The following PARP9 variants were observed in gnomAD, a reference collection of about 807,000 sequenced individuals.
PARP9 encodes protein mono-ADP-ribosyltransferase PARP9.
PARP9 carries 48 observed loss-of-function variants against 68.8 expected under a neutral mutation model. The observed-to-expected ratio is 0.70, with a 90% CI of 0.55 to 0.89. The LOEUF is 0.89. Among genes scored for constraint, PARP9 ranks in the 40% least tolerant of loss-of-function variants. The pLI is 0.00. For synonymous variants in PARP9, 309 were observed against 333.8 expected (o/e 0.93, Z 0.81); for missense variants, 806 against 969.3 (o/e 0.83, Z 2.24).
chr3:122,542,005 A>G lies in PARP9; in HGVS notation c.1385-1153T>C, dbSNP rs145727843. On this transcript the variant is annotated intron_variant, in intron 7 of 10. Coordinates refer to ENST00000682323, the MANE Select transcript of PARP9 (RefSeq NM_001146105.2). ...CTTCCTCTGAGTAAAGATAAAAAAG[A>G]CAAAAGCCAAGGTTTTAGACAACAG... 1.0e-3 allele frequency among the ~76,000 whole-genome samples: 159 copies of G among 152,332 alleles called. 2 individuals carry two copies. Among genetic ancestry groups the G allele is most frequent in the African/African-American group, 3.6e-3 (149 of 41,562 alleles).
At position 122,559,633 on chromosome 3, in the gene PARP9, C is replaced by G; in HGVS notation, c.-13G>C. ...TGGAAAAGTCCATCCTCCAGGTCCC[C>G]GGGGGAGTCTTTAAATGTTTATTCC... On this transcript the variant is annotated 5_prime_UTR_variant, in exon 2 of 11. Coordinates refer to ENST00000682323, the MANE Select transcript of PARP9 (RefSeq NM_001146105.2). The G allele has an allele frequency of 6.3e-7, 1 of 1,586,860 alleles. No individual in the cohort carries two copies. Among genetic ancestry groups the G allele is most frequent in the Non-Finnish European group, 8.6e-7 (1 of 1,166,672 alleles).
intron 4 of PARP9, 83 bp from the exon 5 acceptor site, chr3:122,552,722 G>A (rs1398661757): frequency 2.9e-6 from 3 of 1,034,204 alleles, no homozygotes; most frequent in Non-Finnish European, 4.3e-6. Flanking sequence ...TCCCTGAAGA[G>A]CTTTGAAAAA....
chr3:122,536,290 T>C lies in PARP9; in HGVS notation c.1958A>G (p.Lys653Arg). The change falls in exon 10 of 11, where the codon AAA becomes AGA. Residue 653 changes from lysine to arginine, a missense_variant. By Grantham distance (26) the Lys-to-Arg change is conservative (BLOSUM62 2). Around this residue, in one of 2 missense-constraint regions of PARP9, gnomAD observed 680 missense variants for 858.8 expected, o/e 0.79. Coordinates refer to ENST00000682323, the MANE Select transcript of PARP9 (RefSeq NM_001146105.2). ...CCTGTGCAGTTTTTCTTCCATCATT[T>C]TCTTCTTTCTTTGAAAGGCAGCCAT... ...VLMAAFQRKKKMMEEKLHRQP... is the reference protein window; with the variant it reads ...VLMAAFQRKKRMMEEKLHRQP... The C allele has an allele frequency of 6.2e-7, 1 of 1,614,230 alleles. No homozygotes were observed. The highest frequency in any genetic ancestry group is 8.5e-7 in the Non-Finnish European group (1 of 1,180,032).
At chr3:122,531,656 T>C (rs1457964343) in intron 10 of PARP9, 1 of 152,176 alleles carries the variant, frequency 6.6e-6, no homozygotes, top group Non-Finnish European at 1.5e-5. Context: ...TATATGTAAT[T>C]ATTTTTAATT....
intron 8 of PARP9, among the ~76,000 whole-genome samples, chr3:122,539,506 C>CCTTTCTTT (rs1559818279): frequency 3.2e-5 from 4 of 125,906 alleles, no homozygotes; most frequent in African/African-American, 1.2e-4. Flanking sequence ...CCCAAGATGG[C>CCTTTCTTT]ATTTCTTTCT....
intron 9 of PARP9, 127 bp downstream of exon 9, chr3:122,536,807 C>T: frequency 8.7e-7 from 1 of 1,155,632 alleles, no homozygotes; most frequent in Non-Finnish European, 1.2e-6. Flanking sequence ...TTCAGTCTTA[C>T]TGACCTAGGA....
Position 122,528,198 on chromosome 3 carries a change from T to C in PARP9, c.*166A>G. 3.6e-6 allele frequency: 3 copies of C among 832,068 alleles called. No individual in the cohort carries two copies. The highest frequency in any genetic ancestry group is 5.5e-6 in the Non-Finnish European group (3 of 546,840). The allele number at this position is 832,068 out of a possible 1,614,324, so 51.5% of individuals were successfully genotyped here. A position where few individuals can be genotyped will look rare whatever the true frequency, so the allele number is the denominator to read the frequency against. ...CCCAACCCCAAGACATAAAGACAGATAAAGGCACTAAGATGCTAGTATGTG... is the reference window on the plus strand; with the variant it reads ...CCCAACCCCAAGACATAAAGACAGACAAAGGCACTAAGATGCTAGTATGTG... On this transcript the variant is annotated 3_prime_UTR_variant, in exon 11 of 11. Coordinates refer to ENST00000682323, the MANE Select transcript of PARP9 (RefSeq NM_001146105.2).
chr3:122,562,861 T>C (rs565875965), intron 1 of PARP9, among the ~76,000 whole-genome samples: 12 of 152,286 alleles, frequency 7.9e-5, no homozygotes, highest in African/African-American at 2.6e-4. Flanking sequence ...CATTAAAGAG[T>C]TCCCTATCTT....
chr3:122,557,928 T>C (rs2079843669), intron 3 of PARP9, among the ~76,000 whole-genome samples: 2 of 152,172 alleles, frequency 1.3e-5, no homozygotes, highest in Non-Finnish European at 2.9e-5. Flanking sequence ...AAAATGTGCA[T>C]CCTAAAATAG....
At chr3:122,533,558 A>T in intron 10 of PARP9, 1 of 460,234 alleles carries the variant, frequency 2.2e-6, no homozygotes, top group Non-Finnish European at 2.9e-6. Flanking sequence ...AATGGGCAAC[A>T]GGTGAACTCG....
upstream of PARP9, chr3:122,564,516 C>T (rs200460795): frequency 6.8e-6 from 11 of 1,612,384 alleles, no homozygotes; most frequent in Admixed American, 1.2e-4. Flanking sequence ...AGAGCTACTT[C>T]CAGAGCTCTA....
intron 9 of PARP9, 72 bp downstream of exon 9, chr3:122,536,862 C>A: frequency 6.6e-7 from 1 of 1,524,102 alleles, no homozygotes; most frequent in Non-Finnish European, 8.9e-7. Flanking sequence ...AGCAGGTGAG[C>A]TTTTCCTTTG....
At chr3:122,531,554 G>C (rs1049867996) in intron 10 of PARP9, among the ~76,000 whole-genome samples, 1 of 152,118 alleles carries the variant, frequency 6.6e-6, no homozygotes, top group African/African-American at 2.4e-5. Context: ...TCAGGAGTTC[G>C]AGACCAGCCT....
chr3:122,532,438 A>C, intron 10 of PARP9: 1 of 983,936 alleles, frequency 1.0e-6, no homozygotes, highest in Non-Finnish European at 1.2e-6. Flanking sequence ...AAAGGGGCAA[A>C]CATTGCAGGA....
chr3:122,564,082 A>G (rs2080472659), intron 1 of PARP9, 163 bp downstream of exon 1: 1 of 277,616 alleles, frequency 3.6e-6, no homozygotes, highest in Non-Finnish European at 6.8e-6. Context: ...TAAGAGTTAC[A>G]AAGAATAAGA....
At chr3:122,561,265 C>T (rs750131447) in intron 1 of PARP9, among the ~76,000 whole-genome samples, 2 of 152,158 alleles carry the variant, frequency 1.3e-5, no homozygotes, top group Non-Finnish European at 2.9e-5. Context: ...TCGAGACCAA[C>T]CTGGGCAACA....
chr3:122,528,826 T>C (rs16833165), intron 10 of PARP9, 83 bp from the exon 11 acceptor site: 43,374 of 1,256,266 alleles, frequency 0.035, 821 homozygotes, highest in Middle Eastern at 0.048. Context: ...ATCTATTCTT[T>C]CTTTAGTCTT....
Position 122,555,642 on chromosome 3 carries a change from T to A in PARP9, c.529A>T (p.Lys177Ter), listed in dbSNP as rs1486939941. ...MEWDKQGCTG[K>*]LQRAIVSILN... ...ATACTTACAATGGCCCTCTGCAGCT[T>A]TCCAGTACATCCCTGTTTATCCCAT... The change falls in exon 4 of 11, where the codon AAG becomes TAG. Residue 177 changes from lysine to a stop codon, truncating the protein, a stop_gained. Coordinates refer to ENST00000682323, the MANE Select transcript of PARP9 (RefSeq NM_001146105.2). LOFTEE classifies it high-confidence loss of function. 6.2e-7 allele frequency: 1 copy of A among 1,614,040 alleles called. No individual in the cohort carries two copies. Among genetic ancestry groups the A allele is most frequent in the East Asian group, 2.2e-5 (1 of 44,894 alleles).
chr3:122,539,866 G>A (rs1448867433), intron 8 of PARP9, among the ~76,000 whole-genome samples: 8 of 152,004 alleles, frequency 5.3e-5, no homozygotes, highest in East Asian at 1.9e-4. Flanking sequence ...GCCCAGCCCC[G>A]AGATGGCATT....
Sources: allele counts gnomAD v4.1 joint callset (sites outside exome capture counted in the v4.1 genomes callset), GRCh38; gene constraint gnomAD v4.1.1; regional missense constraint gnomAD v4.1.1; transcripts MANE v1.5; gene names NCBI Gene and HGNC (gene_info 2026-07-23, HGNC 2026-07-21).